Variants in DOK6 observed in about 807,000 individuals in gnomAD.
DOK6 encodes the protein docking protein 6, also known as downstream of tyrosine kinase 6.
Under a neutral mutation model 44.0 loss-of-function variants are expected in DOK6, and 22 were observed. The ratio of observed to expected loss-of-function variants is 0.50; its 90% CI spans 0.36 to 0.71. The LOEUF is 0.71. Ranked by LOEUF, DOK6 falls within the 30% of genes least tolerant of loss-of-function variation. DOK6 has a pLI of 0.00. For synonymous variants in DOK6, 166 were observed against 145.5 expected (o/e 1.14, Z -1.01); for missense variants, 340 against 416.4 (o/e 0.82, Z 1.60).
intron 7 of DOK6, among the ~76,000 whole-genome samples, chr18:69,779,599 AC>A (rs1980191693): frequency 6.6e-6 from 1 of 151,496 alleles, no homozygotes; most frequent in Admixed American, 6.6e-5. Flanking sequence ...CCAAGTTACT[AC>A]TCTTTTGATT....
intron 2 of DOK6, among the ~76,000 whole-genome samples, chr18:69,582,244 G>A (rs1239719183): frequency 6.6e-6 from 1 of 152,204 alleles, no homozygotes; most frequent in Non-Finnish European, 1.5e-5. Flanking sequence ...ACAGAAGGTA[G>A]ACCTAATTGG....
chr18:69,536,984 T>TTAG (rs1982140775), intron 1 of DOK6, among the ~76,000 whole-genome samples: 1 of 147,338 alleles, frequency 6.8e-6, no homozygotes, highest in Non-Finnish European at 1.5e-5. Flanking sequence ...TTTATCATTA[T>TTAG]TATTATTATT....
At chr18:69,448,868 A>G (rs1020567809) in intron 1 of DOK6, among the ~76,000 whole-genome samples, 1 of 152,194 alleles carries the variant, frequency 6.6e-6, no homozygotes, top group Non-Finnish European at 1.5e-5. Context: ...GCAATTTTCT[A>G]TTTCAGATGT....
intron 3 of DOK6, among the ~76,000 whole-genome samples, chr18:69,617,502 AAG>A (rs750828246): frequency 1.6e-5 from 2 of 122,318 alleles, no homozygotes; most frequent in East Asian, 2.4e-4. Context: ...GAAAGAAAGA[AAG>A]AGAAAGAAAG....
At chr18:69,841,149 AT>A in intron 7 of DOK6, 94 bp from the exon 8 acceptor site, 1 of 1,484,150 alleles carries the variant, frequency 6.7e-7, no homozygotes, top group Non-Finnish European at 9.2e-7. Context: ...GTTCTTAAAA[AT>A]ATAGATAGAT....
At chr18:69,840,731 C>T (rs963035476) in intron 7 of DOK6, among the ~76,000 whole-genome samples, 2 of 152,176 alleles carry the variant, frequency 1.3e-5, no homozygotes, top group Non-Finnish European at 2.9e-5. Flanking sequence ...GAATCTCTAT[C>T]ATTGTAAAAG....
intron 4 of DOK6, among the ~76,000 whole-genome samples, chr18:69,678,865 ACT>A (rs1491245898): frequency 2.5e-5 from 3 of 120,354 alleles, no homozygotes; most frequent in Admixed American, 8.0e-5. Context: ...TATTGAGGAA[ACT>A]TGACATTATT....
At chr18:69,533,456 G>C (rs1599177578) in intron 1 of DOK6, among the ~76,000 whole-genome samples, 2 of 152,086 alleles carry the variant, frequency 1.3e-5, no homozygotes, top group South Asian at 2.1e-4. Flanking sequence ...GAAGATACTA[G>C]GCATTATCTC....
intron 3 of DOK6, among the ~76,000 whole-genome samples, chr18:69,671,962 G>A (rs1000289053): frequency 1.3e-5 from 2 of 152,150 alleles, no homozygotes; most frequent in African/African-American, 4.8e-5. Flanking sequence ...ATACTTAGGG[G>A]CGTCTACGGC....
chr18:69,791,660 A>C (rs1336381654), intron 7 of DOK6, among the ~76,000 whole-genome samples: 2 of 151,956 alleles, frequency 1.3e-5, no homozygotes, highest in African/African-American at 4.8e-5. Context: ...ATTATCCCTT[A>C]TTGGATGGGG....
chr18:69,580,841 AC>A (rs1568302540), intron 2 of DOK6, among the ~76,000 whole-genome samples: 1 of 151,800 alleles, frequency 6.6e-6, no homozygotes, highest in African/African-American at 2.4e-5. Context: ...CATCCCCTCA[AC>A]CCTTCCCAGC....
At chr18:69,438,834 G>T (rs549087485) in intron 1 of DOK6, among the ~76,000 whole-genome samples, 1 of 152,248 alleles carries the variant, frequency 6.6e-6, no homozygotes, top group Non-Finnish European at 1.5e-5. Flanking sequence ...ACTTTGAGAG[G>T]CCAAAGTGGG....
chr18:69,656,805 AGAGT>A (rs1985380115), intron 3 of DOK6, among the ~76,000 whole-genome samples: 1 of 152,210 alleles, frequency 6.6e-6, no homozygotes, highest in South Asian at 2.1e-4. Context: ...TAACTGCAGA[AGAGT>A]GAGTGTGGGC....
chr18:69,409,402 TA>T (rs1192977787), intron 1 of DOK6, among the ~76,000 whole-genome samples: 5 of 152,238 alleles, frequency 3.3e-5, no homozygotes, highest in Non-Finnish European at 7.3e-5. Flanking sequence ...GATTACTCAC[TA>T]CCCTTTGGCA....
intron 1 of DOK6, chr18:69,532,843 C>T (rs1285476932): frequency 1.3e-5 from 2 of 152,014 alleles, no homozygotes; most frequent in Admixed American, 6.6e-5. Context: ...GCCTGGGTGA[C>T]AAAGTGAGAC....
chr18:69,445,350 C>T (rs1979254100), intron 1 of DOK6, among the ~76,000 whole-genome samples: 4 of 152,156 alleles, frequency 2.6e-5, no homozygotes, highest in African/African-American at 9.7e-5. Flanking sequence ...CTAAAGTGTT[C>T]ATCCTTTTCT....
At chr18:69,769,278 C>G (rs1223388165) in intron 7 of DOK6, among the ~76,000 whole-genome samples, 1 of 151,950 alleles carries the variant, frequency 6.6e-6, no homozygotes, top group Non-Finnish European at 1.5e-5. Context: ...ACAAAAGCTG[C>G]ACTTAGTTTT....
At chr18:69,485,793 T>C (rs1980559080) in intron 1 of DOK6, among the ~76,000 whole-genome samples, 1 of 152,066 alleles carries the variant, frequency 6.6e-6, no homozygotes. Flanking sequence ...TCATTCTGAA[T>C]AGAATTTTCT....
chr18:69,458,212 C>T (rs1979683442), intron 1 of DOK6, among the ~76,000 whole-genome samples: 1 of 152,152 alleles, frequency 6.6e-6, no homozygotes, highest in Non-Finnish European at 1.5e-5. Flanking sequence ...ATCAAGTAGG[C>T]TTTATTCCTG....
Sources: allele counts gnomAD v4.1 joint callset (sites outside exome capture counted in the v4.1 genomes callset), GRCh38; gene constraint gnomAD v4.1.1; transcripts MANE v1.5; gene names NCBI Gene and HGNC (gene_info 2026-07-23, HGNC 2026-07-21).